The following LRRC28 variants were observed in gnomAD, a reference collection of about 807,000 sequenced individuals.
LRRC28 encodes leucine rich repeat containing 28.
In LRRC28, 39 loss-of-function variants were observed where a neutral mutation model predicts 45.7. That is an observed-to-expected ratio of 0.85 (90% CI 0.66 to 1.12). The LOEUF (loss-of-function observed/expected upper bound fraction) is 1.12, where lower values mean the gene tolerates loss of function less well. LRRC28 is among the 50% of genes most tolerant of loss of function. The pLI is 0.00. For missense variants in LRRC28, 435 were observed against 438.5 expected, an observed-to-expected ratio of 0.99 and a Z score of 0.07; for synonymous variants, 206 against 178.8, an observed-to-expected ratio of 1.15 and a Z score of -1.22.
chr15:99,302,371 G>GTGTTTT (rs888545562), intron 5 of LRRC28, among the ~76,000 whole-genome samples: 3 of 151,476 alleles, frequency 2.0e-5, no homozygotes, highest in Non-Finnish European at 4.4e-5. Flanking sequence ...GTGTGGGTGT[G>GTGTTTT]TGTTTTTGTT....
In LRRC28 at chr15:99,333,973, T is replaced by C; in HGVS notation, c.436T>C (p.Leu146=). ...GACACTAGACATTTCTACCAATCGT[T>C]TGCTAACTTTACCCGAGAGGCTTCA... The part of the protein sequence containing the change: ...LQTLDISTNR[L]LTLPERLHMC... Residue 146 remains leucine, a synonymous_variant, in exon 6 of 10, where the codon TTG becomes CTG. Coordinates refer to ENST00000301981, the MANE Select transcript of LRRC28 (RefSeq NM_144598.5). 6.2e-7 allele frequency: 1 copy of C among 1,614,132 alleles called. No individual in the cohort carries two copies. The highest frequency in any genetic ancestry group is 8.5e-7 in the Non-Finnish European group (1 of 1,180,006).
chr15:99,290,806 T>TA (rs113517025), intron 5 of LRRC28, among the ~76,000 whole-genome samples: 111 of 142,704 alleles, frequency 7.8e-4, no homozygotes, highest in Middle Eastern at 3.5e-3. Flanking sequence ...AATCCAACAA[T>TA]AAAAAAAAAA....
chr15:99,359,431 G>A (rs1176289112), intron 7 of LRRC28, among the ~76,000 whole-genome samples: 1 of 152,200 alleles, frequency 6.6e-6, no homozygotes, highest in South Asian at 2.1e-4. Context: ...TGGCCAGCAA[G>A]GCTAACAAAA....
At chr15:99,312,382 T>C (rs1955446256) in intron 5 of LRRC28, among the ~76,000 whole-genome samples, 1 of 152,204 alleles carries the variant, frequency 6.6e-6, no homozygotes, top group Non-Finnish European at 1.5e-5. Flanking sequence ...ATAATCAATA[T>C]CACTGTCTTC....
At chr15:99,293,079 T>C (rs573868648) in intron 5 of LRRC28, among the ~76,000 whole-genome samples, 8 of 152,362 alleles carry the variant, frequency 5.3e-5, no homozygotes, top group African/African-American at 1.9e-4. Context: ...ATTTCCTCCA[T>C]TGGCTTTTCT....
intron 6 of LRRC28, chr15:99,338,355 A>T (rs1156535766): frequency 6.6e-6 from 1 of 152,470 alleles, no homozygotes; most frequent in Non-Finnish European, 1.5e-5. Flanking sequence ...GAGAGAGTCA[A>T]ACAAAGCATG....
At chr15:99,373,114 C>T (rs111349178) in intron 9 of LRRC28, among the ~76,000 whole-genome samples, 6,056 of 152,116 alleles carry the variant, frequency 0.04, 178 homozygotes, top group Non-Finnish European at 0.062. Flanking sequence ...TGGGTGGGGA[C>T]GCAGCTAAAC....
At chr15:99,321,338 G>A (rs1323074324) in intron 5 of LRRC28, among the ~76,000 whole-genome samples, 1 of 152,160 alleles carries the variant, frequency 6.6e-6, no homozygotes, top group Non-Finnish European at 1.5e-5. Flanking sequence ...TATAGTCTAA[G>A]TTATGCATGT....
chr15:99,334,331 A>G (rs1280220092), intron 6 of LRRC28, among the ~76,000 whole-genome samples: 1 of 152,190 alleles, frequency 6.6e-6, no homozygotes, highest in African/African-American at 2.4e-5. Flanking sequence ...ACTTTAAAAA[A>G]GAAATCTGTG....
At chr15:99,375,085 A>C (rs184784409) in intron 9 of LRRC28, among the ~76,000 whole-genome samples, 230 of 152,328 alleles carry the variant, frequency 1.5e-3, no homozygotes, top group African/African-American at 5.5e-3. Context: ...GTTAAGTATA[A>C]TGTGTTAACC....
intron 2 of LRRC28, chr15:99,258,341 C>G (rs4965463): frequency 9.0e-5 from 127 of 1,414,100 alleles, no homozygotes; most frequent in Non-Finnish European, 1.2e-4. Flanking sequence ...AGGAAACACT[C>G]TAGGACGGGG....
At chr15:99,269,994 TC>T (rs1192922656) in intron 2 of LRRC28, among the ~76,000 whole-genome samples, 2 of 152,194 alleles carry the variant, frequency 1.3e-5, no homozygotes, top group East Asian at 3.8e-4. Context: ...GGTTTCTGAT[TC>T]CTCTGTTGAT....
chr15:99,277,859 A>G (rs1190824122), intron 3 of LRRC28, among the ~76,000 whole-genome samples: 2 of 152,214 alleles, frequency 1.3e-5, no homozygotes, highest in South Asian at 4.1e-4. Context: ...TCCTTTAGGT[A>G]CTTTATAGTT....
chr15:99,372,207 G>A (rs1363307976), intron 9 of LRRC28, among the ~76,000 whole-genome samples: 1 of 152,064 alleles, frequency 6.6e-6, no homozygotes, highest in Non-Finnish European at 1.5e-5. Context: ...TATGATTTTT[G>A]TGGGCTCCAA....
chr15:99,264,716 CT>C (rs1826104832), intron 2 of LRRC28, among the ~76,000 whole-genome samples: 1 of 152,132 alleles, frequency 6.6e-6, no homozygotes, highest in Non-Finnish European at 1.5e-5. Context: ...GGAGATTTTT[CT>C]TCTATTCTTC....
At position 99,354,073 on chromosome 15, in the gene LRRC28, T is replaced by G. The variant is rs568712634; in HGVS notation, c.695+1602T>G. 5 of 152,334 alleles carry G rather than the reference T, an allele frequency of 3.3e-5. No homozygotes were observed. In the South Asian group the frequency reaches 1.0e-3, roughly 32 times the overall value. The allele number at this position is 152,334 out of a possible 1,614,324, so 9.4% of individuals were successfully genotyped here. ...AAATAAAATTATTAACAGGATAGTA[T>G]CAAACAACCAGTTTTCTAATAGTAG... On this transcript the variant is annotated intron_variant, in intron 7 of 9. Coordinates refer to ENST00000301981, the MANE Select transcript of LRRC28 (RefSeq NM_144598.5).
chr15:99,323,594 T>C (rs1955873901), intron 5 of LRRC28, among the ~76,000 whole-genome samples: 1 of 152,212 alleles, frequency 6.6e-6, no homozygotes, highest in Non-Finnish European at 1.5e-5. Flanking sequence ...CTGAAAGTCA[T>C]CTATCTCCCA....
At chr15:99,336,401 G>T (rs1956321850) in intron 6 of LRRC28, among the ~76,000 whole-genome samples, 1 of 152,154 alleles carries the variant, frequency 6.6e-6, no homozygotes, top group Non-Finnish European at 1.5e-5. Flanking sequence ...ACATTGACAT[G>T]CTGTCTCCAT....
intron 2 of LRRC28, among the ~76,000 whole-genome samples, chr15:99,273,927 G>A (rs2081550319): frequency 6.6e-6 from 1 of 152,154 alleles, no homozygotes. Flanking sequence ...TCCACCCACT[G>A]GTTCCCTAGT....
Sources: allele counts gnomAD v4.1 joint callset (sites outside exome capture counted in the v4.1 genomes callset), GRCh38; gene constraint gnomAD v4.1.1; transcripts MANE v1.5; gene names NCBI Gene and HGNC (gene_info 2026-07-23, HGNC 2026-07-21).